Variants in GPHN observed in about 807,000 individuals in gnomAD.
GPHN encodes the protein gephyrin.
In GPHN, 17 loss-of-function variants were observed where a neutral mutation model predicts 95.5. The ratio of observed to expected loss-of-function variants is 0.18; its 90% CI spans 0.12 to 0.27. GPHN has a LOEUF of 0.27. Ranked by LOEUF, GPHN falls within the 10% of genes least tolerant of loss-of-function variation. The probability of loss-of-function intolerance (pLI) is 1.00; values close to 1 mark genes in which losing one functional copy is unlikely to be tolerated. For synonymous variants in GPHN, 320 were observed against 322.5 expected, an observed-to-expected ratio of 0.99 and a Z score of 0.08; for missense variants, 660 against 978.1, an observed-to-expected ratio of 0.67 and a Z score of 4.34.
At chr14:67,577,566 T>A in the GPHN span, among the ~76,000 whole-genome samples, 1 of 152,148 alleles carries the variant, frequency 6.6e-6, no homozygotes, top group Non-Finnish European at 1.5e-5. Context: ...ATGGCAGGAA[T>A]GTAATCCTGT....
At chr14:66,768,596 T>G (rs973081528) in intron 2 of GPHN, among the ~76,000 whole-genome samples, 1 of 151,926 alleles carries the variant, frequency 6.6e-6, no homozygotes, top group Non-Finnish European at 1.5e-5. Flanking sequence ...TAAACATACA[T>G]GTACCCAAAA....
At chr14:67,359,476 C>G in the GPHN span, among the ~76,000 whole-genome samples, 1 of 152,168 alleles carries the variant, frequency 6.6e-6, no homozygotes, top group Non-Finnish European at 1.5e-5. Context: ...CAGCCTGATT[C>G]ACTCAGGAGG....
At chr14:67,575,372 A>T in the GPHN span, 10 of 1,506,036 alleles carry the variant, frequency 6.6e-6, no homozygotes, top group African/African-American at 1.4e-4. Flanking sequence ...TCATAATGCC[A>T]GTTCATTTCT....
intron 21 of GPHN, among the ~76,000 whole-genome samples, chr14:67,177,114 T>C (rs1482603704): frequency 6.6e-6 from 1 of 152,238 alleles, no homozygotes; most frequent in African/African-American, 2.4e-5. Context: ...TCTTGCCTTC[T>C]TCTAGCTTTT....
the GPHN span, chr14:67,384,393 C>T: frequency 6.7e-6 from 1 of 149,230 alleles, no homozygotes; most frequent in Non-Finnish European, 1.5e-5. Context: ...ATGTTTCCAT[C>T]ATTTCTGTCT....
At chr14:67,548,527 G>A in the GPHN span, among the ~76,000 whole-genome samples, 31 of 152,156 alleles carry the variant, frequency 2.0e-4, no homozygotes, top group African/African-American at 3.9e-4. Flanking sequence ...GAGAAACCCC[G>A]TCTCTACTAA....
At chr14:66,834,343 A>G (rs1222462297) in intron 4 of GPHN, among the ~76,000 whole-genome samples, 4 of 152,208 alleles carry the variant, frequency 2.6e-5, no homozygotes, top group South Asian at 2.1e-4. Context: ...TATAAAAATT[A>G]CAGGTACAAA....
chr14:66,773,115 A>G (rs2059242807), intron 2 of GPHN, among the ~76,000 whole-genome samples: 1 of 152,120 alleles, frequency 6.6e-6, no homozygotes. Context: ...ACTGAGTGGC[A>G]TGTAAAGAGC....
intron 4 of GPHN, among the ~76,000 whole-genome samples, chr14:66,877,133 A>G (rs911842363): frequency 6.6e-5 from 10 of 152,218 alleles, no homozygotes; most frequent in Admixed American, 4.6e-4. Flanking sequence ...CAATGACAAA[A>G]AACACATCAT....
chr14:67,619,836 C>G, the GPHN span: 5 of 579,668 alleles, frequency 8.6e-6, no homozygotes, highest in Admixed American at 1.8e-4. Flanking sequence ...GAGGCGCGGG[C>G]GGCGGGGCCA....
At chr14:66,521,757 A>G (rs2058492880) in intron 1 of GPHN, among the ~76,000 whole-genome samples, 1 of 151,942 alleles carries the variant, frequency 6.6e-6, no homozygotes, top group East Asian at 1.9e-4. Flanking sequence ...AGACCATCAC[A>G]GGGTGGGGTG....
At position 67,181,411 on chromosome 14, in the gene GPHN, TGTGCACA is replaced by T. The variant is rs2083313732; in HGVS notation, c.*479_*485del. 1 of 499,428 alleles carries T rather than the reference TGTGCACA, an allele frequency of 2.0e-6. No homozygotes were observed. The highest frequency in any genetic ancestry group is 3.8e-6 in the Non-Finnish European group (1 of 261,022). 30.9% of individuals were successfully genotyped at this position (499,428 alleles called of 1,614,324 possible). A position where few individuals can be genotyped will look rare whatever the true frequency, so the allele number is the denominator to read the frequency against. On this transcript the variant is annotated 3_prime_UTR_variant, in exon 23 of 23. Coordinates refer to ENST00000478722, the MANE Select transcript of GPHN (RefSeq NM_020806.5). ...TTCTTTCTCATGTATCTCGTGTTTA[TGTGCACA>T]GTGCCAAAAGAAGACTGACTGGGTG...
chr14:66,853,017 A>C (rs970847823), intron 4 of GPHN, among the ~76,000 whole-genome samples: 2 of 152,216 alleles, frequency 1.3e-5, no homozygotes, highest in Admixed American at 1.3e-4. Context: ...AAAGGCTTCT[A>C]ATTGCTCTGA....
chr14:67,586,385 C>T, the GPHN span: 6 of 1,371,380 alleles, frequency 4.4e-6, no homozygotes, highest in African/African-American at 2.9e-5. Flanking sequence ...ATCATGCAGT[C>T]CTCAGTTGGG....
chr14:67,088,016 T>G (rs573804589), intron 11 of GPHN, among the ~76,000 whole-genome samples: 5 of 152,194 alleles, frequency 3.3e-5, no homozygotes, highest in Non-Finnish European at 7.4e-5. Flanking sequence ...GAGCCAAAAG[T>G]GATTTTCATC....
the GPHN span, among the ~76,000 whole-genome samples, chr14:67,455,412 T>C: frequency 3.3e-5 from 5 of 152,148 alleles, no homozygotes; most frequent in Non-Finnish European, 7.3e-5. Flanking sequence ...CTTGATGCAA[T>C]TGTGACTTCC....
At chr14:67,341,464 G>GGGGGGTCAGCCCCCGGCCCGGCCA in the GPHN span, among the ~76,000 whole-genome samples, 1 of 152,064 alleles carries the variant, frequency 6.6e-6, no homozygotes, top group African/African-American at 2.4e-5. Flanking sequence ...GAGGGAGGTT[G>GGGGGGTCAGCCCCCGGCCCGGCCA]GGGGGTCAGC....
rs555504059 is a variant in GPHN at position 66,540,963 on chromosome 14, T to C, written c.64+32372T>C. Among the ~76,000 whole-genome samples the C allele has an allele frequency of 5.9e-5, 9 of 151,694 alleles. No individual in the cohort carries two copies. In the East Asian group the frequency reaches 1.7e-3, roughly 29 times the overall value. ...TAATTTTTTTTTCTTTTTTTCCTTT[T>C]CTGAGACGGAGTCTCCCACTGTCAC... On this transcript the variant is annotated intron_variant, in intron 1 of 22. Coordinates refer to ENST00000478722, the MANE Select transcript of GPHN (RefSeq NM_020806.5).
At chr14:66,917,253 A>G (rs2065959436) in intron 6 of GPHN, among the ~76,000 whole-genome samples, 1 of 152,190 alleles carries the variant, frequency 6.6e-6, no homozygotes, top group South Asian at 2.1e-4. Context: ...AGATACTGGC[A>G]CGTTCTTAGA....
Sources: gnomAD v4.1 joint callset for allele counts (sites outside exome capture counted in the v4.1 genomes callset) on GRCh38, gnomAD v4.1.1 for gene constraint, MANE v1.5 for transcripts, NCBI Gene and HGNC (gene_info 2026-07-23, HGNC 2026-07-21) for gene names.